C8orf34: variants seen among roughly 807,000 people sequenced by gnomAD.
The protein encoded by C8orf34 is chromosome 8 open reading frame 34.
Under a neutral mutation model 68.3 loss-of-function variants are expected in C8orf34, and 65 were observed. The observed-to-expected ratio is 0.95, with a 90% CI of 0.78 to 1.17. The LOEUF is 1.17. Ranked by LOEUF, C8orf34 falls within the 50% of genes most tolerant of loss-of-function variation. C8orf34 has a pLI of 0.00. For synonymous variants in C8orf34, 244 were observed against 241.2 expected (o/e 1.01, Z -0.11); for missense variants, 664 against 655.4 (o/e 1.01, Z -0.14).
At chr8:68,516,932 A>G (rs1454616240) in intron 5 of C8orf34, among the ~76,000 whole-genome samples, 1 of 151,920 alleles carries the variant, frequency 6.6e-6, no homozygotes, top group Non-Finnish European at 1.5e-5. Context: ...GAGCCACCAC[A>G]CCCTGCCTGC....
intron 7 of C8orf34, among the ~76,000 whole-genome samples, chr8:68,600,333 G>A (rs1373928408): frequency 6.6e-6 from 1 of 152,052 alleles, no homozygotes; most frequent in Non-Finnish European, 1.5e-5. Context: ...ACATCAGATG[G>A]TGTTGTAATT....
chr8:68,694,349 A>C (rs774749875), intron 8 of C8orf34, among the ~76,000 whole-genome samples: 8 of 152,110 alleles, frequency 5.3e-5, no homozygotes, highest in Non-Finnish European at 8.8e-5. Flanking sequence ...TGGTTGAAAA[A>C]GAGTGTTTGC....
chr8:68,547,395 C>T (rs1405974686), intron 7 of C8orf34, among the ~76,000 whole-genome samples: 1 of 151,672 alleles, frequency 6.6e-6, no homozygotes, highest in Non-Finnish European at 1.5e-5. Context: ...AAGCAAAATG[C>T]TTCCCAAAAA....
chr8:68,694,674 C>G (rs963801058), intron 8 of C8orf34, among the ~76,000 whole-genome samples: 2 of 151,938 alleles, frequency 1.3e-5, no homozygotes, highest in African/African-American at 4.8e-5. Context: ...TGAATAGGAA[C>G]GAATAGTGAA....
chr8:68,630,283 A>T (rs968145485), intron 7 of C8orf34, among the ~76,000 whole-genome samples: 1 of 152,154 alleles, frequency 6.6e-6, no homozygotes, highest in Non-Finnish European at 1.5e-5. Context: ...TTAAACTGGA[A>T]TATCCATAAT....
chr8:68,735,125 T>A (rs570717100), intron 10 of C8orf34, among the ~76,000 whole-genome samples: 1 of 152,308 alleles, frequency 6.6e-6, no homozygotes, highest in Admixed American at 6.5e-5. Context: ...TTGGAACCTA[T>A]CTGTCACATT....
chr8:68,757,627 AT>A (rs2100081343), intron 10 of C8orf34, among the ~76,000 whole-genome samples: 5 of 132,178 alleles, frequency 3.8e-5, no homozygotes, highest in Middle Eastern at 3.8e-3. Flanking sequence ...TCTCAAAAAA[AT>A]AAATAAATAA....
chr8:68,517,942 A>G (rs1257726203), intron 5 of C8orf34, among the ~76,000 whole-genome samples: 1 of 152,204 alleles, frequency 6.6e-6, no homozygotes, highest in East Asian at 1.9e-4. Context: ...TAGGATGAAA[A>G]TCTGCACTGT....
chr8:68,489,768 A>G (rs1177453971), intron 5 of C8orf34, among the ~76,000 whole-genome samples: 2 of 152,086 alleles, frequency 1.3e-5, no homozygotes, highest in African/African-American at 2.4e-5. Context: ...ACAATAAGCT[A>G]CTCTGTAATA....
intron 1 of C8orf34, among the ~76,000 whole-genome samples, chr8:68,398,249 A>G (rs1808802122): frequency 6.6e-6 from 1 of 152,186 alleles, no homozygotes; most frequent in Non-Finnish European, 1.5e-5. Flanking sequence ...TTAGTCTTTT[A>G]GCCAACAGAA....
chr8:68,800,215 T>C (rs1824292519), intron 12 of C8orf34, among the ~76,000 whole-genome samples: 1 of 152,200 alleles, frequency 6.6e-6, no homozygotes, highest in Non-Finnish European at 1.5e-5. Flanking sequence ...AATTCAAAAC[T>C]TGAGGAGGCC....
At chr8:68,748,865 G>A (rs536957019) in intron 10 of C8orf34, among the ~76,000 whole-genome samples, 46 of 152,178 alleles carry the variant, frequency 3.0e-4, no homozygotes, top group Non-Finnish European at 6.2e-4. Flanking sequence ...AATACCATTT[G>A]ACCCAGCCAT....
chr8:68,336,835 A>G (rs900427682), intron 1 of C8orf34, among the ~76,000 whole-genome samples: 1 of 152,164 alleles, frequency 6.6e-6, no homozygotes, highest in Non-Finnish European at 1.5e-5. Flanking sequence ...AGCTCAAAGA[A>G]TAGTAGGTAT....
rs1377187667 is a variant in C8orf34, at chr8:68,454,050, T to A, written c.607+7590T>A. On this transcript the variant is annotated intron_variant, in intron 3 of 13. Transcript: ENST00000518698. ...TGAGATAATCATGCAGTTTTTCTTA[T>A]CATTCCGTTAATATGATGTGTTACA... 5.3e-5 allele frequency among the ~76,000 whole-genome samples: 8 copies of A among 152,062 alleles called. No individual in the cohort carries two copies. In the East Asian group the frequency reaches 1.5e-3, roughly 29 times the overall value.
chr8:68,555,462 G>A (rs574778044), intron 7 of C8orf34, among the ~76,000 whole-genome samples: 42 of 151,878 alleles, frequency 2.8e-4, no homozygotes, highest in Admixed American at 1.8e-3. Flanking sequence ...CTTTTTTAAC[G>A]TACATGTCTT....
chr8:68,480,000 A>G (rs1189024351), intron 4 of C8orf34, among the ~76,000 whole-genome samples: 1 of 152,186 alleles, frequency 6.6e-6, no homozygotes, highest in Non-Finnish European at 1.5e-5. Flanking sequence ...GTATGATATG[A>G]TCTATATCTA....
chr8:68,771,809 C>T (rs1178055817), intron 10 of C8orf34, among the ~76,000 whole-genome samples: 1 of 152,090 alleles, frequency 6.6e-6, no homozygotes, highest in Non-Finnish European at 1.5e-5. Flanking sequence ...AGATGCCTTT[C>T]CTCTGACTTT....
rs956774853 is a variant in C8orf34, at chr8:68,700,742, C to G, written c.1242-8252C>G. Among the ~76,000 whole-genome samples the G allele has an allele frequency of 3.9e-5, 6 of 152,058 alleles. No homozygotes were observed. The East Asian group carries it at 1.2e-3, about 30-fold the overall frequency. ...AGGCAGAGCACTGCCTTTGAAAGTC[C>G]CCCATAAATTTTTGATGTTGGTGAC... On this transcript the variant is annotated intron_variant, in intron 8 of 13. Coordinates refer to ENST00000518698, the MANE Select transcript of C8orf34 (RefSeq NM_052958.4).
intron 7 of C8orf34, among the ~76,000 whole-genome samples, chr8:68,548,670 C>A (rs1461987141): frequency 6.6e-6 from 1 of 151,688 alleles, no homozygotes; most frequent in East Asian, 1.9e-4. Flanking sequence ...CATAGTCATT[C>A]CTAGATATTT....
Sources: gnomAD v4.1 joint callset for allele counts (sites outside exome capture counted in the v4.1 genomes callset) on GRCh38, gnomAD v4.1.1 for gene constraint, MANE v1.5 for transcripts, NCBI Gene and HGNC (gene_info 2026-07-23, HGNC 2026-07-21) for gene names.